Variants in NDUFA10 observed in about 807,000 individuals in gnomAD.
NDUFA10 encodes NADH:ubiquinone oxidoreductase subunit A10.
A neutral mutation model predicts 47.8 loss-of-function variants in NDUFA10; 40 were observed. The observed-to-expected ratio is 0.84, with a 90% CI of 0.65 to 1.09. The LOEUF is 1.09. Ranked by LOEUF, NDUFA10 falls within the 50% of genes least tolerant of loss-of-function variation. The pLI, the probability that NDUFA10 is intolerant of heterozygous loss-of-function variation, is 0.00. For missense variants in NDUFA10, 413 were observed against 451.1 expected (o/e 0.92, Z 0.76); for synonymous variants, 183 against 172.2 (o/e 1.06, Z -0.49).
chr2:239,914,452 C>A (rs1268536631), intron 4 of NDUFA10, among the ~76,000 whole-genome samples: 1 of 144,894 alleles, frequency 6.9e-6, no homozygotes, highest in African/African-American at 2.6e-5. Flanking sequence ...GATACACACA[C>A]AAACATACAC....
At chr2:239,990,429 C>T (rs1389862225) in intron 8 of NDUFA10, among the ~76,000 whole-genome samples, 1 of 152,178 alleles carries the variant, frequency 6.6e-6, no homozygotes, top group Non-Finnish European at 1.5e-5. Context: ...TCAGTACCTA[C>T]ATAGGACGAC....
chr2:239,930,120 C>A (rs577575475), intron 4 of NDUFA10, among the ~76,000 whole-genome samples: 1 of 138,104 alleles, frequency 7.2e-6, no homozygotes, highest in African/African-American at 2.8e-5. Context: ...CCTGCTCCTC[C>A]ACCAGTCCTG....
intron 9 of NDUFA10, among the ~76,000 whole-genome samples, chr2:239,965,364 T>C (rs1172590816): frequency 4.6e-5 from 7 of 152,214 alleles, no homozygotes; most frequent in Admixed American, 3.9e-4. Flanking sequence ...TCATCCACTT[T>C]GTTTACATGT....
intron 8 of NDUFA10, among the ~76,000 whole-genome samples, chr2:239,992,204 T>G (rs1696280031): frequency 6.6e-6 from 1 of 152,224 alleles, no homozygotes; most frequent in Non-Finnish European, 1.5e-5. Flanking sequence ...GCACTTAGTT[T>G]CATTAAGAAG....
rs531888477 is a variant in NDUFA10 at position 239,950,429 on chromosome 2, G to C, written c.294+39645C>G. On this transcript the variant is annotated intron_variant, in intron 4 of 5. Coordinates refer to the NDUFA10 transcript ENST00000419408. ...CAGTCCACCAAGCTGCCCCCTCGGG[G>C]CATGACCTTTGGAAATCTGAGGAAC... is the stretch of plus-strand genomic sequence containing the variant. 1.3e-3 allele frequency among the ~76,000 whole-genome samples: 203 copies of C among 152,342 alleles called. 1 individual carries two copies. The highest frequency in any genetic ancestry group is 2.2e-3 in the Non-Finnish European group (149 of 68,030).
chr2:239,960,863 C>CT lies in NDUFA10; in HGVS notation c.*254dup, dbSNP rs1694826638. 7.2e-7 allele frequency: 1 copy of CT among 1,393,790 alleles called. No homozygotes were observed. 86.3% of individuals were successfully genotyped at this position (1,393,790 alleles called of 1,614,324 possible). A position where few individuals can be genotyped will look rare whatever the true frequency, so the allele number is the denominator to read the frequency against. ...AGAGCTGGCCTTTCACAGCAGACCA[C>CT]TGTTTTCCAGTGAGAATGGTGGGCC... is the stretch of plus-strand genomic sequence containing the variant. On this transcript the variant is annotated 3_prime_UTR_variant, in exon 10 of 10. Coordinates refer to ENST00000252711, the MANE Select transcript of NDUFA10 (RefSeq NM_004544.4).
At chr2:239,978,280 C>G (rs1695610868) in intron 9 of NDUFA10, among the ~76,000 whole-genome samples, 1 of 152,230 alleles carries the variant, frequency 6.6e-6, no homozygotes, top group African/African-American at 2.4e-5. Context: ...GATGGAATCT[C>G]TAATTCCCAC....
At position 239,906,044 on chromosome 2, in the gene NDUFA10, C is replaced by T. The variant is rs1363161493; in HGVS notation, c.295-10730G>A. On this transcript the variant is annotated intron_variant, in intron 4 of 5. Transcript: ENST00000419408. The surrounding 1 kb of genome is among the most constrained non-coding windows in gnomAD (Gnocchi z 4.3). ...AATTCCCCTAAGGAATTCCTGGAGC[C>T]CTGAGGGGTGATACCTCCAAGGTGC... Among the ~76,000 whole-genome samples the T allele has an allele frequency of 6.6e-6, 1 of 152,076 alleles. No individual in the cohort carries two copies. Among genetic ancestry groups the T allele is most frequent in the Admixed American group, 6.5e-5 (1 of 15,272 alleles).
At chr2:239,934,417 T>C (rs1306224018) in intron 4 of NDUFA10, among the ~76,000 whole-genome samples, 2 of 124,338 alleles carry the variant, frequency 1.6e-5, no homozygotes, top group Non-Finnish European at 3.2e-5. Flanking sequence ...ACTCTGCACA[T>C]GTGGCATGAA....
At chr2:240,017,496 A>G (rs767710551) in intron 4 of NDUFA10, among the ~76,000 whole-genome samples, 14 of 152,322 alleles carry the variant, frequency 9.2e-5, no homozygotes, top group Middle Eastern at 3.4e-3. Flanking sequence ...AGTAATGCTC[A>G]GGAGTGCTAA....
chr2:239,931,128 GC>G (rs1299040293), intron 4 of NDUFA10, among the ~76,000 whole-genome samples: 1 of 152,230 alleles, frequency 6.6e-6, no homozygotes, highest in Non-Finnish European at 1.5e-5. Flanking sequence ...TTCCCTGTGA[GC>G]ATCTGAACAG....
intron 9 of NDUFA10, among the ~76,000 whole-genome samples, chr2:239,975,431 C>A (rs758064910): frequency 6.6e-6 from 1 of 152,222 alleles, no homozygotes; most frequent in Non-Finnish European, 1.5e-5. Context: ...AGGGGCCCTG[C>A]AAGAAGCAGG....
At chr2:239,895,311 G>A (rs1337416743) in exon 5 of NDUFA10, 2 of 466,322 alleles carry the variant, frequency 4.3e-6, no homozygotes, top group Non-Finnish European at 8.9e-6. Flanking sequence ...TGGTCTGCTG[G>A]GACCTAGAGA....
intron 9 of NDUFA10, among the ~76,000 whole-genome samples, chr2:239,971,826 C>T (rs1695316654): frequency 1.3e-5 from 2 of 152,156 alleles, no homozygotes; most frequent in Admixed American, 1.3e-4. Flanking sequence ...AAGCTCTTTC[C>T]TCAATCACAT....
intron 9 of NDUFA10, among the ~76,000 whole-genome samples, chr2:239,971,824 T>C (rs1229634636): frequency 6.6e-6 from 1 of 152,232 alleles, no homozygotes; most frequent in Non-Finnish European, 1.5e-5. Flanking sequence ...ATAAGCTCTT[T>C]CCTCAATCAC....
Position 239,928,955 on chromosome 2 carries a change from C to T in NDUFA10, c.295-33641G>A, listed in dbSNP as rs1490250916. Among the ~76,000 whole-genome samples, 3 of 152,228 alleles carry T rather than the reference C, an allele frequency of 2.0e-5. No individual in the cohort carries two copies. In the East Asian group the frequency reaches 5.8e-4, roughly 29 times the overall value. ...CGGATCCCACTCCCGAGGTCAGGAG[C>T]CCCCGACTCTTCCTCCTGCACCTAC... On this transcript the variant is annotated intron_variant, in intron 4 of 5. Coordinates refer to the NDUFA10 transcript ENST00000419408. The surrounding 1 kb of genome is among the most constrained non-coding windows in gnomAD (Gnocchi z 4.3).
rs979676295 is a variant in NDUFA10 at position 239,907,018 on chromosome 2, G to T, written c.295-11704C>A. Among the ~76,000 whole-genome samples the T allele has an allele frequency of 2.6e-5, 4 of 152,144 alleles. No homozygotes were observed. The East Asian group carries it at 5.8e-4, about 22-fold the overall frequency. ...ACCTGACTTCAAACTATACTACAAGGCTACAGTAATCAAAACAGCATGGTG... is the reference window on the plus strand; with the variant it reads ...ACCTGACTTCAAACTATACTACAAGTCTACAGTAATCAAAACAGCATGGTG... On this transcript the variant is annotated intron_variant, in intron 4 of 5. Coordinates refer to the NDUFA10 transcript ENST00000419408.
intron 4 of NDUFA10, among the ~76,000 whole-genome samples, chr2:239,944,031 CCT>C (rs1220611692): frequency 2.0e-5 from 3 of 152,300 alleles, no homozygotes; most frequent in Non-Finnish European, 4.4e-5. Flanking sequence ...CTGGGCCTCC[CCT>C]GTGTCCTAAG....
intron 4 of NDUFA10, among the ~76,000 whole-genome samples, chr2:240,015,680 C>A (rs996069520): frequency 2.6e-5 from 4 of 151,714 alleles, no homozygotes; most frequent in Non-Finnish European, 5.9e-5. Flanking sequence ...CTCTTCAGAG[C>A]ACTCTGCACC....
Sources: gnomAD v4.1 joint callset for allele counts (sites outside exome capture counted in the v4.1 genomes callset) on GRCh38, gnomAD v4.1.1 for gene constraint, Gnocchi (gnomAD v3.1) non-coding constraint, MANE v1.5 for transcripts, NCBI Gene and HGNC (gene_info 2026-07-23, HGNC 2026-07-21) for gene names.